The following SLC6A17 variants were observed in gnomAD, a reference collection of about 807,000 sequenced individuals.
SLC6A17 encodes sodium-dependent neutral amino acid transporter SLC6A17.
In SLC6A17, 21 loss-of-function variants were observed where a neutral mutation model predicts 64.5. The ratio of observed to expected loss-of-function variants is 0.33; its 90% CI spans 0.23 to 0.47. SLC6A17 has a LOEUF of 0.47. SLC6A17 is among the 20% of genes least tolerant of loss of function. SLC6A17 has a pLI of 1.00. For synonymous variants in SLC6A17, 372 were observed against 399.5 expected, an observed-to-expected ratio of 0.93 and a Z score of 0.82; for missense variants, 682 against 963.2, an observed-to-expected ratio of 0.71 and a Z score of 3.86.
intron 6 of SLC6A17, among the ~76,000 whole-genome samples, chr1:110,180,753 T>C (rs551969634): frequency 3.9e-5 from 6 of 152,304 alleles, no homozygotes; most frequent in South Asian, 4.2e-4. Flanking sequence ...CTGCCCGTGC[T>C]GTGCACTGCT....
Position 110,192,192 on chromosome 1 carries a change from T to C in SLC6A17, c.1085T>C (p.Met362Thr). 1.9e-6 allele frequency: 3 copies of C among 1,613,442 alleles called. No homozygotes were observed. Among genetic ancestry groups the C allele is most frequent in the Non-Finnish European group, 1.7e-6 (2 of 1,179,434 alleles). ...FAVLGFKANI[M>T]NEKCVVENAE... ...GTGCTGGGCTTCAAGGCCAACATCATGAATGAGAAGTGTGTGGTCGAGTAG... is the reference window on the plus strand; with the variant it reads ...GTGCTGGGCTTCAAGGCCAACATCACGAATGAGAAGTGTGTGGTCGAGTAG... Residue 362 changes from methionine to threonine, a missense_variant, in exon 7 of 12, where the codon ATG (methionine) becomes ACG (threonine). Met to Thr is a moderately conservative substitution (Grantham distance 81). This residue lies in a region of SLC6A17 where 415 missense variants were observed against 603.8 expected (regional missense o/e 0.69). Coordinates refer to ENST00000331565, the MANE Select transcript of SLC6A17 (RefSeq NM_001010898.4). The surrounding 1 kb of genome is among the most constrained non-coding windows in gnomAD (Gnocchi z 4.3).
At chr1:110,173,895 GC>G in intron 3 of SLC6A17, 77 bp from the exon 4 acceptor site, 15 of 1,525,472 alleles carry the variant, frequency 9.8e-6, no homozygotes, top group Admixed American at 6.0e-5. Flanking sequence ...CTGCCGACGT[GC>G]TGGGCCTCGG....
chr1:110,173,991 C>G lies in SLC6A17; in HGVS notation c.463C>G (p.Leu155Val). ...TCCCCAGGTCTGTCTCTTTGTGGGG[C>G]TGTATTATAATGTGATCATCGGGTG... ...SSCIVCLFVG[L>V]YYNVIIGWSI... is the part of the protein sequence containing the mutation. The change falls in exon 4 of 12, where the codon CTG becomes GTG. Residue 155 changes from leucine to valine, a missense_variant. By Grantham distance (32) the Leu-to-Val change is conservative. Transcript: ENST00000331565. 1 of 1,613,812 alleles carries G rather than the reference C, an allele frequency of 6.2e-7. No homozygotes were observed. Among genetic ancestry groups the G allele is most frequent in the Non-Finnish European group, 8.5e-7 (1 of 1,179,882 alleles).
chr1:110,155,826 G>C (rs58205533), intron 1 of SLC6A17, among the ~76,000 whole-genome samples: 2,548 of 152,258 alleles, frequency 0.017, 69 homozygotes, highest in African/African-American at 0.059. Context: ...CCAAAATTCT[G>C]CCAGTTACAT....
intron 3 of SLC6A17, 80 bp from the exon 4 acceptor site, chr1:110,173,893 G>GATA: frequency 3.2e-6 from 5 of 1,558,088 alleles, no homozygotes; most frequent in Admixed American, 1.9e-5. Flanking sequence ...CGCTGCCGAC[G>GATA]TGCTGGGCCT....
Position 110,201,719 on chromosome 1 carries a change from G to C in SLC6A17, c.*3275G>C, listed in dbSNP as rs1205049687. The C allele has an allele frequency of 6.6e-6, 1 of 152,198 alleles. No individual in the cohort carries two copies. Among genetic ancestry groups the C allele is most frequent in the Non-Finnish European group, 1.5e-5 (1 of 68,070 alleles). The allele number at this position is 152,198 out of a possible 1,614,324, so 9.4% of individuals were successfully genotyped here. On this transcript the variant is annotated 3_prime_UTR_variant, in exon 12 of 12. Coordinates refer to ENST00000331565, the MANE Select transcript of SLC6A17 (RefSeq NM_001010898.4). ...GTGTGGGTCATGAGGCTGGGGCCCAGGAGACACGGTCCCAGGCACTGCACA... is the reference window on the plus strand; with the variant it reads ...GTGTGGGTCATGAGGCTGGGGCCCACGAGACACGGTCCCAGGCACTGCACA...
chr1:110,172,142 G>T lies in SLC6A17; in HGVS notation c.369G>T (p.Arg123Ser). Residue 123 changes from arginine to serine, a missense_variant, in exon 3 of 12, where the codon AGG (arginine) becomes AGT (serine). Arg to Ser is a moderately radical substitution (Grantham distance 110). Around this residue, in one of 3 missense-constraint regions of SLC6A17, gnomAD observed 415 missense variants for 603.8 expected, o/e 0.69. Transcript: ENST00000331565. ...LFFLELAVGQ[R>S]IRRGSIGVWH... The stretch of plus-strand genomic sequence containing the variant: ...TCCTGGAGCTGGCTGTGGGTCAGAG[G>T]ATCCGCCGCGGCAGCATCGGTGTGT... 1.2e-6 allele frequency: 2 copies of T among 1,613,854 alleles called. No individual in the cohort carries two copies. Among genetic ancestry groups the T allele is most frequent in the Non-Finnish European group, 1.7e-6 (2 of 1,179,900 alleles).
intron 1 of SLC6A17, among the ~76,000 whole-genome samples, chr1:110,157,387 A>G (rs1238452944): frequency 1.3e-5 from 2 of 152,134 alleles, no homozygotes; most frequent in Non-Finnish European, 2.9e-5. Flanking sequence ...ATCCTTGCCA[A>G]CATGGTGAAA....
chr1:110,179,023 G>T (rs1049554988), intron 6 of SLC6A17, among the ~76,000 whole-genome samples: 1 of 152,114 alleles, frequency 6.6e-6, no homozygotes, highest in South Asian at 2.1e-4. Context: ...TTACATAAAT[G>T]ACATCATATT....
Position 110,198,144 on chromosome 1 carries a change from G to A in SLC6A17, c.1884G>A (p.Ala628=), listed in dbSNP as rs142400830. The change falls in exon 12 of 12, where the codon GCG becomes GCA. Residue 628 remains alanine, a synonymous_variant. Coordinates refer to ENST00000331565, the MANE Select transcript of SLC6A17 (RefSeq NM_001010898.4). The part of the protein sequence containing the change: ...MALLITLIVV[A]TLPIPVVFVL... ...TCCTGATCACCCTCATCGTCGTGGC[G>A]ACGCTGCCCATCCCTGTGGTGTTCG... is the stretch of plus-strand genomic sequence containing the variant. 1.9e-5 allele frequency: 31 copies of A among 1,614,012 alleles called. No homozygotes were observed. In the East Asian group the frequency reaches 2.9e-4, roughly 15 times the overall value.
At chr1:110,159,599 T>C (rs1009539294) in intron 1 of SLC6A17, among the ~76,000 whole-genome samples, 1 of 152,236 alleles carries the variant, frequency 6.6e-6, no homozygotes, top group Admixed American at 6.5e-5. Flanking sequence ...GTGTCAGGAC[T>C]GTGCCCACCC....
At position 110,175,095 on chromosome 1, in the gene SLC6A17, G is replaced by A. The variant is rs1351815190; in HGVS notation, c.753+135G>A. The A allele has an allele frequency of 2.6e-6, 3 of 1,144,532 alleles. No homozygotes were observed. The African/African-American group carries it at 4.7e-5, about 18-fold the overall frequency. 70.9% of individuals were successfully genotyped at this position (1,144,532 alleles called of 1,614,324 possible). On this transcript the variant is annotated intron_variant, in intron 5 of 11. Transcript: ENST00000331565. ...AACACAGGCCCCCAGAGGAGGGTGT[G>A]GAAGTATCATTCCTATAGTGTTGCT... is the stretch of plus-strand genomic sequence containing the variant.
intron 3 of SLC6A17, 59 bp from the exon 4 acceptor site, chr1:110,173,913 CG>C: frequency 3.1e-5 from 49 of 1,584,628 alleles, no homozygotes; most frequent in Admixed American, 2.1e-4. Flanking sequence ...TCGGGTGGAG[CG>C]TGGGGGCAGG....
At chr1:110,176,212 C>G (rs1172319624) in intron 5 of SLC6A17, among the ~76,000 whole-genome samples, 1 of 152,024 alleles carries the variant, frequency 6.6e-6, no homozygotes, top group Admixed American at 6.5e-5. Flanking sequence ...TGTTTGGGAG[C>G]CGTGTCTATA....
intron 1 of SLC6A17, among the ~76,000 whole-genome samples, chr1:110,159,986 A>G (rs1300638277): frequency 1.3e-5 from 2 of 152,266 alleles, no homozygotes; most frequent in Non-Finnish European, 2.9e-5. Context: ...CAATTGAGGT[A>G]TGAAATGGAA....
chr1:110,180,371 G>A (rs1656489885), intron 6 of SLC6A17, among the ~76,000 whole-genome samples: 1 of 152,166 alleles, frequency 6.6e-6, no homozygotes, highest in Non-Finnish European at 1.5e-5. Context: ...GGCAGGAGAG[G>A]TTTTGCAGGA....
In SLC6A17 at chr1:110,192,034, G is replaced by A. The variant is rs1224349074; in HGVS notation, c.927G>A (p.Leu309=). 6.2e-7 allele frequency: 1 copy of A among 1,614,042 alleles called. No individual in the cohort carries two copies. Among genetic ancestry groups the A allele is most frequent in the Non-Finnish European group, 8.5e-7 (1 of 1,180,018 alleles). ...CAGCTACCCAGGTCTTCTTTGCCTT[G>A]GGCCTGGGCTTTGGTGGTGTCATTG... ...REAATQVFFA[L]GLGFGGVIAF... Residue 309 remains leucine, a synonymous_variant, in exon 7 of 12, where the codon TTG becomes TTA. Coordinates refer to ENST00000331565, the MANE Select transcript of SLC6A17 (RefSeq NM_001010898.4). The surrounding 1 kb of genome is among the most constrained non-coding windows in gnomAD (Gnocchi z 4.3).
rs531244625 is a variant in SLC6A17 at position 110,150,764 on chromosome 1, C to T, written c.-207C>T. 6.6e-6 allele frequency: 1 copy of T among 152,308 alleles called. No homozygotes were observed. Among genetic ancestry groups the T allele is most frequent in the East Asian group, 1.9e-4 (1 of 5,150 alleles). 9.4% of individuals were successfully genotyped at this position (152,308 alleles called of 1,614,324 possible). ...GCCGGCGCGCAGCTCCGGGTCGCCCCAGCCCCAGCCGGGGGCCTGTGGCCC... is the reference window on the plus strand; with the variant it reads ...GCCGGCGCGCAGCTCCGGGTCGCCCTAGCCCCAGCCGGGGGCCTGTGGCCC... On this transcript the variant is annotated 5_prime_UTR_variant, in exon 1 of 12. Coordinates refer to ENST00000331565, the MANE Select transcript of SLC6A17 (RefSeq NM_001010898.4).
intron 1 of SLC6A17, among the ~76,000 whole-genome samples, chr1:110,164,429 C>A (rs34435829): frequency 0.026 from 3,947 of 152,340 alleles, 86 homozygotes; most frequent in Non-Finnish European, 0.039. Context: ...TTGAGTCGGA[C>A]AATTGCTAGG....
Sources: gnomAD v4.1 joint callset for allele counts (sites outside exome capture counted in the v4.1 genomes callset) on GRCh38, gnomAD v4.1.1 for gene constraint, gnomAD v4.1.1 regional missense constraint, Gnocchi (gnomAD v3.1) non-coding constraint, MANE v1.5 for transcripts, NCBI Gene and HGNC (gene_info 2026-07-23, HGNC 2026-07-21) for gene names.